The following CAMTA1 variants were observed in gnomAD, a reference collection of about 807,000 sequenced individuals.
The protein encoded by CAMTA1 is calmodulin-binding transcription activator 1.
Under a neutral mutation model 170.9 loss-of-function variants are expected in CAMTA1, and 27 were observed. The ratio of observed to expected loss-of-function variants is 0.16; its 90% CI spans 0.12 to 0.22. The LOEUF is 0.22. Among genes scored for constraint, CAMTA1 ranks in the 10% least tolerant of loss-of-function variants. The pLI is 1.00. For missense variants in CAMTA1, 1,619 were observed against 2,217.2 expected (o/e 0.73, Z 5.42); for synonymous variants, 833 against 891.5 (o/e 0.93, Z 1.17).
At chr1:7,012,177 G>A (rs1374917569) in intron 3 of CAMTA1, among the ~76,000 whole-genome samples, 1 of 152,146 alleles carries the variant, frequency 6.6e-6, no homozygotes, top group Non-Finnish European at 1.5e-5. Context: ...ATACTGCCCG[G>A]TCAGGTGCTG....
intron 7 of CAMTA1, among the ~76,000 whole-genome samples, chr1:7,655,196 CCCTATACACACAAACACACCCA>C: frequency 7.5e-6 from 1 of 132,708 alleles, no homozygotes; most frequent in Admixed American, 7.8e-5. Flanking sequence ...AAACACACAC[CCCTATACACACAAACACACCCA>C]TCTATACACA....
At chr1:7,618,484 G>T (rs1449454431) in intron 6 of CAMTA1, among the ~76,000 whole-genome samples, 7 of 152,186 alleles carry the variant, frequency 4.6e-5, no homozygotes, top group Non-Finnish European at 1.5e-5. Context: ...CTGGCTTGGG[G>T]CCTCTGCCCC....
intron 4 of CAMTA1, among the ~76,000 whole-genome samples, chr1:7,171,090 C>G (rs1238176709): frequency 6.6e-6 from 1 of 152,184 alleles, no homozygotes; most frequent in Non-Finnish European, 1.5e-5. Context: ...TCAGTTTCTC[C>G]TGGTCTTCCC....
chr1:7,384,273 G>A (rs900965407), intron 5 of CAMTA1, among the ~76,000 whole-genome samples: 1 of 152,226 alleles, frequency 6.6e-6, no homozygotes, highest in Non-Finnish European at 1.5e-5. Context: ...AGTGGCCGCA[G>A]CTTCACGGTG....
At chr1:7,340,557 C>CCTCCCTCCCTCA (rs1299459480) in intron 5 of CAMTA1, among the ~76,000 whole-genome samples, 1 of 146,354 alleles carries the variant, frequency 6.8e-6, no homozygotes, top group African/African-American at 2.5e-5. Flanking sequence ...TGCCTGCCTC[C>CCTCCCTCCCTCA]CTCCCTCCCT....
intron 12 of CAMTA1, among the ~76,000 whole-genome samples, chr1:7,734,837 AG>A (rs745913898): frequency 6.6e-5 from 10 of 152,222 alleles, no homozygotes; most frequent in Non-Finnish European, 1.3e-4. Flanking sequence ...GTTTATTGCC[AG>A]AAAAAAAAAG....
chr1:7,607,264 C>CTGGA (rs1238206446), intron 6 of CAMTA1, among the ~76,000 whole-genome samples: 17 of 122,012 alleles, frequency 1.4e-4, no homozygotes, highest in South Asian at 2.8e-4. Context: ...GGGTGGGTAG[C>CTGGA]TGGATGGATG....
At chr1:6,903,227 A>G (rs1340153516) in intron 3 of CAMTA1, among the ~76,000 whole-genome samples, 1 of 152,216 alleles carries the variant, frequency 6.6e-6, no homozygotes, top group Admixed American at 6.5e-5. Flanking sequence ...GGTGATCAAA[A>G]GTGTTTTCTT....
At chr1:7,647,655 T>G (rs915958362) in intron 7 of CAMTA1, among the ~76,000 whole-genome samples, 2 of 152,180 alleles carry the variant, frequency 1.3e-5, no homozygotes, top group Non-Finnish European at 2.9e-5. Context: ...TGTGCCCACC[T>G]TTTTTCCTCT....
chr1:7,039,199 T>A (rs1032514618), intron 3 of CAMTA1, among the ~76,000 whole-genome samples: 11 of 152,222 alleles, frequency 7.2e-5, no homozygotes, highest in Non-Finnish European at 1.5e-4. Context: ...TTACGCCATT[T>A]AATATACTGT....
chr1:7,277,873 C>G (rs565044582), intron 5 of CAMTA1, among the ~76,000 whole-genome samples: 3 of 151,952 alleles, frequency 2.0e-5, no homozygotes, highest in East Asian at 1.9e-4. Context: ...TTAAATGACT[C>G]TGTGTGATAT....
chr1:7,159,118 G>A (rs1647058627), intron 4 of CAMTA1, among the ~76,000 whole-genome samples: 1 of 151,646 alleles, frequency 6.6e-6, no homozygotes, highest in Non-Finnish European at 1.5e-5. Context: ...AGGAAATAGT[G>A]GGGTCTCAGG....
At chr1:7,365,194 G>A (rs1430679547) in intron 5 of CAMTA1, among the ~76,000 whole-genome samples, 5 of 149,968 alleles carry the variant, frequency 3.3e-5, no homozygotes, top group Admixed American at 3.3e-4. Flanking sequence ...TCCAGCCTCT[G>A]TCTGGAGGCC....
chr1:6,836,290 A>C (rs1653073686), intron 3 of CAMTA1, among the ~76,000 whole-genome samples: 1 of 152,236 alleles, frequency 6.6e-6, no homozygotes, highest in Admixed American at 6.5e-5. Flanking sequence ...TTCTAGATGG[A>C]TGAGAAACCA....
intron 6 of CAMTA1, among the ~76,000 whole-genome samples, chr1:7,554,429 C>T (rs2094849119): frequency 1.3e-5 from 2 of 152,196 alleles, no homozygotes; most frequent in Admixed American, 1.3e-4. Context: ...AAATCACCAG[C>T]TGCCACCTTC....
intron 6 of CAMTA1, among the ~76,000 whole-genome samples, chr1:7,614,777 C>T (rs570035588): frequency 6.6e-6 from 1 of 152,188 alleles, no homozygotes; most frequent in Non-Finnish European, 1.5e-5. Flanking sequence ...TGATGGGCCC[C>T]CAGCCCCGCT....
intron 3 of CAMTA1, among the ~76,000 whole-genome samples, chr1:6,859,797 G>A (rs891270699): frequency 1.3e-5 from 2 of 151,722 alleles, no homozygotes; most frequent in Non-Finnish European, 2.9e-5. Flanking sequence ...TCAAAAAAAA[G>A]AAAAGAAAAG....
intron 4 of CAMTA1, among the ~76,000 whole-genome samples, chr1:7,184,993 C>T (rs1284912485): frequency 6.6e-6 from 1 of 152,068 alleles, no homozygotes; most frequent in African/African-American, 2.4e-5. Flanking sequence ...TGTGGATTAG[C>T]AGTTCTGAAA....
At chr1:7,372,993 G>A (rs909208711) in intron 5 of CAMTA1, among the ~76,000 whole-genome samples, 1 of 152,190 alleles carries the variant, frequency 6.6e-6, no homozygotes, top group Non-Finnish European at 1.5e-5. Context: ...TCACCAACCT[G>A]GTGTCACCGT....
Sources: allele counts gnomAD v4.1 joint callset (sites outside exome capture counted in the v4.1 genomes callset), GRCh38; gene constraint gnomAD v4.1.1; transcripts MANE v1.5; gene names NCBI Gene and HGNC (gene_info 2026-07-23, HGNC 2026-07-21).